Variants in ZNF385D observed in about 807,000 individuals in gnomAD.
ZNF385D encodes zinc finger protein 385D, also known as zinc finger protein 659.
In ZNF385D, 15 loss-of-function variants were observed where a neutral mutation model predicts 35.8. The observed-to-expected ratio is 0.42, with a 90% confidence interval of 0.28 to 0.64. The LOEUF (loss-of-function observed/expected upper bound fraction) is 0.64, where lower values mean the gene tolerates loss of function less well. Among genes scored for constraint, ZNF385D ranks in the 30% least tolerant of loss-of-function variants. ZNF385D has a pLI of 0.23. For synonymous variants in ZNF385D, 212 were observed against 186.8 expected, an observed-to-expected ratio of 1.13 and a Z score of -1.10; for missense variants, 474 against 494.6, an observed-to-expected ratio of 0.96 and a Z score of 0.39.
chr3:22,073,200 G>C lies in ZNF385D; in HGVS notation c.325+95617C>G, dbSNP rs375840542. On this transcript the variant is annotated intron_variant, in intron 3 of 5. Transcript: ENST00000494108. Reference sequence around the variant, plus strand: ...AAATCTAGACCTTTGCTGTGTTTAAGTCCCAAATAATTAATTAAAATCATC... The same window carrying C: ...AAATCTAGACCTTTGCTGTGTTTAACTCCCAAATAATTAATTAAAATCATC... 3.3e-5 allele frequency among the ~76,000 whole-genome samples: 5 copies of C among 151,986 alleles called. No homozygotes were observed. In the East Asian group the frequency reaches 7.7e-4, roughly 24 times the overall value.
rs186099061 is a variant in ZNF385D at position 22,287,331 on chromosome 3, A to G, written c.106+85119T>C. Among the ~76,000 whole-genome samples the G allele has an allele frequency of 8.4e-4, 127 of 152,028 alleles. 1 individual carries two copies. The highest frequency in any genetic ancestry group is 2.9e-3 in the African/African-American group (121 of 41,512). On this transcript the variant is annotated intron_variant, in intron 2 of 5. Coordinates refer to the ZNF385D transcript ENST00000494108. Reference sequence around the variant, plus strand: ...GATTTTTTATTCATTAACTCACTCTATACTTTCTTATTGCAAATCTTAATC... The same window carrying G: ...GATTTTTTATTCATTAACTCACTCTGTACTTTCTTATTGCAAATCTTAATC...
chr3:21,907,192 A>G (rs1699725530), intron 3 of ZNF385D, among the ~76,000 whole-genome samples: 1 of 152,148 alleles, frequency 6.6e-6, no homozygotes, highest in African/African-American at 2.4e-5. Context: ...TCCTTAATAG[A>G]TGTATAATAA....
chr3:22,166,307 G>C (rs1283607698), intron 3 of ZNF385D, among the ~76,000 whole-genome samples: 2 of 152,120 alleles, frequency 1.3e-5, no homozygotes, highest in African/African-American at 2.4e-5. Flanking sequence ...TTGTTGAATA[G>C]TATATTAATC....
chr3:22,281,037 C>A lies in ZNF385D; in HGVS notation c.106+91413G>T, dbSNP rs1701711689. Among the ~76,000 whole-genome samples the A allele has an allele frequency of 2.6e-5, 4 of 152,006 alleles. No individual in the cohort carries two copies. The South Asian group carries it at 8.3e-4, about 32-fold the overall frequency. ...CTTGAGTTCTTGATCTGATTCTCAGCTTGGTCACGGTTGTATAGTAGGGCT... is the reference window on the plus strand; with the variant it reads ...CTTGAGTTCTTGATCTGATTCTCAGATTGGTCACGGTTGTATAGTAGGGCT... On this transcript the variant is annotated intron_variant, in intron 2 of 5. Transcript: ENST00000494108.
chr3:22,307,668 G>C (rs532577057), intron 2 of ZNF385D, among the ~76,000 whole-genome samples: 2 of 151,480 alleles, frequency 1.3e-5, no homozygotes, highest in East Asian at 1.9e-4. Context: ...AGTGGCAAGA[G>C]GTAAGATATT....
rs546404186 is a variant in ZNF385D, at chr3:22,058,305, T to C, written c.325+110512A>G. Reference sequence around the variant, plus strand: ...AGAATAAAAATATACAGAAGGGAATTTGATATTAGCTAATTCAACAAGCCG... The same window carrying C: ...AGAATAAAAATATACAGAAGGGAATCTGATATTAGCTAATTCAACAAGCCG... On this transcript the variant is annotated intron_variant, in intron 3 of 5. Transcript: ENST00000494108. 1.4e-4 allele frequency among the ~76,000 whole-genome samples: 21 copies of C among 152,300 alleles called. No individual in the cohort carries two copies. The South Asian group carries it at 3.7e-3, about 27-fold the overall frequency.
chr3:21,442,667 CTT>C (rs5847097), intron 4 of ZNF385D, among the ~76,000 whole-genome samples: 6 of 144,084 alleles, frequency 4.2e-5, no homozygotes, highest in Admixed American at 6.9e-5. Flanking sequence ...TATTTGTGGG[CTT>C]TTTTTTTTTT....
At chr3:21,969,573 C>A (rs528532722) in intron 3 of ZNF385D, among the ~76,000 whole-genome samples, 3 of 152,310 alleles carry the variant, frequency 2.0e-5, no homozygotes, top group African/African-American at 7.2e-5. Context: ...CGGTGCTTGA[C>A]TCCAGGCCCT....
chr3:21,647,003 A>G (rs953065569), intron 2 of ZNF385D, among the ~76,000 whole-genome samples: 2 of 152,202 alleles, frequency 1.3e-5, no homozygotes, highest in African/African-American at 4.8e-5. Flanking sequence ...TTAATGGCAT[A>G]TCCAGTTTCT....
chr3:22,024,692 C>T (rs777467446), intron 3 of ZNF385D, among the ~76,000 whole-genome samples: 2 of 152,130 alleles, frequency 1.3e-5, no homozygotes, highest in Non-Finnish European at 2.9e-5. Context: ...GCATTTGACA[C>T]TCCTGATTCA....
chr3:21,645,152 C>G (rs80066410), intron 2 of ZNF385D, among the ~76,000 whole-genome samples: 3 of 152,164 alleles, frequency 2.0e-5, no homozygotes, highest in Non-Finnish European at 4.4e-5. Flanking sequence ...AAATCATATA[C>G]TATATCAGGT....
chr3:21,957,905 T>G (rs1206859170), intron 3 of ZNF385D, among the ~76,000 whole-genome samples: 2 of 152,122 alleles, frequency 1.3e-5, no homozygotes, highest in African/African-American at 4.8e-5. Flanking sequence ...TGTACTAGTT[T>G]CATCAATGTA....
intron 2 of ZNF385D, among the ~76,000 whole-genome samples, chr3:22,291,428 T>C (rs980654217): frequency 1.3e-5 from 2 of 152,100 alleles, no homozygotes; most frequent in Admixed American, 6.6e-5. Context: ...CATTAATTAA[T>C]AGTAAATTCT....
chr3:21,943,695 A>G (rs565949687), intron 3 of ZNF385D, among the ~76,000 whole-genome samples: 97 of 152,248 alleles, frequency 6.4e-4, no homozygotes, highest in African/African-American at 2.0e-3. Flanking sequence ...AAACATGTAG[A>G]TTTTTCTCAA....
intron 3 of ZNF385D, among the ~76,000 whole-genome samples, chr3:21,997,614 AG>A (rs1446096236): frequency 1.3e-5 from 2 of 151,854 alleles, no homozygotes; most frequent in African/African-American, 4.8e-5. Flanking sequence ...GAAAAGAGAG[AG>A]AGAGTGTAAG....
At chr3:21,926,403 G>A (rs1050095072) in intron 3 of ZNF385D, among the ~76,000 whole-genome samples, 4 of 152,046 alleles carry the variant, frequency 2.6e-5, no homozygotes, top group Non-Finnish European at 5.9e-5. Flanking sequence ...CTGTTCTTGT[G>A]TTTAGTTTCC....
chr3:21,699,338 G>C (rs2067588450), intron 1 of ZNF385D, among the ~76,000 whole-genome samples: 1 of 152,070 alleles, frequency 6.6e-6, no homozygotes, highest in African/African-American at 2.4e-5. Flanking sequence ...GGGCCTGTCA[G>C]GGGGTGAGGG....
At chr3:22,274,328 A>G (rs1219765644) in intron 2 of ZNF385D, among the ~76,000 whole-genome samples, 1 of 152,006 alleles carries the variant, frequency 6.6e-6, no homozygotes, top group Non-Finnish European at 1.5e-5. Context: ...ATTTTTCAGT[A>G]TAATATAACC....
chr3:21,818,169 G>A (rs1317244793), intron 3 of ZNF385D, among the ~76,000 whole-genome samples: 1 of 151,944 alleles, frequency 6.6e-6, no homozygotes, highest in African/African-American at 2.4e-5. Context: ...CACACACGGG[G>A]GCCTGTCGTG....
Sources: gnomAD v4.1 joint callset for allele counts (sites outside exome capture counted in the v4.1 genomes callset) on GRCh38, gnomAD v4.1.1 for gene constraint, MANE v1.5 for transcripts, NCBI Gene and HGNC (gene_info 2026-07-23, HGNC 2026-07-21) for gene names.